The following ZNF385B variants were observed in gnomAD, a reference collection of about 807,000 sequenced individuals.
ZNF385B encodes the protein zinc finger protein 385B.
ZNF385B carries 23 observed loss-of-function variants against 39.2 expected under a neutral mutation model. That is an observed-to-expected ratio of 0.59 (90% CI 0.42 to 0.83). The LOEUF is 0.83. Among genes scored for constraint, ZNF385B ranks in the 40% least tolerant of loss-of-function variants. The pLI is 0.00. For missense variants in ZNF385B, 552 were observed against 598.9 expected, an observed-to-expected ratio of 0.92 and a Z score of 0.82; for synonymous variants, 205 against 222.6, an observed-to-expected ratio of 0.92 and a Z score of 0.70.
chr2:179,512,962 G>T (rs2105782845), intron 5 of ZNF385B, among the ~76,000 whole-genome samples: 1 of 152,206 alleles, frequency 6.6e-6, no homozygotes, highest in South Asian at 2.1e-4. Context: ...AGACAAAGGG[G>T]GGTACAGGAA....
In ZNF385B at chr2:179,479,404, C is replaced by T. The variant is rs114536778; in HGVS notation, c.715+3868G>A. ...TGTACAGATCTGGATACAACATGAA[C>T]CAAATTATGTCTCCAAAAGTAACAT... On this transcript the variant is annotated intron_variant, in intron 6 of 9. Coordinates refer to ENST00000410066, the MANE Select transcript of ZNF385B (RefSeq NM_152520.6). Among the ~76,000 whole-genome samples, 1,462 of 152,136 alleles carry T rather than the reference C, an allele frequency of 9.6e-3. 23 individuals are homozygous for T. Among genetic ancestry groups the T allele is most frequent in the African/African-American group, 0.033 (1,373 of 41,506 alleles).
intron 4 of ZNF385B, among the ~76,000 whole-genome samples, chr2:179,534,411 G>T (rs1394677841): frequency 1.3e-5 from 2 of 151,964 alleles, no homozygotes. Flanking sequence ...GATATTTATA[G>T]GTATTTTAAG....
chr2:179,543,661 G>T (rs1311578433), intron 4 of ZNF385B, among the ~76,000 whole-genome samples: 1 of 151,788 alleles, frequency 6.6e-6, no homozygotes, highest in Non-Finnish European at 1.5e-5. Context: ...CTCGCCTTTT[G>T]TAACTTTTTT....
chr2:179,559,307 A>G (rs991906169), intron 3 of ZNF385B, among the ~76,000 whole-genome samples: 1 of 151,930 alleles, frequency 6.6e-6, no homozygotes, highest in Non-Finnish European at 1.5e-5. Flanking sequence ...GACCCAAGGA[A>G]TGCTGGTACT....
intron 3 of ZNF385B, among the ~76,000 whole-genome samples, chr2:179,767,165 T>C (rs1703750806): frequency 6.6e-6 from 1 of 152,240 alleles, no homozygotes; most frequent in Admixed American, 6.5e-5. Context: ...AAGATGCAGC[T>C]ATCTCACAAG....
At chr2:179,512,355 T>C (rs1425985492) in intron 5 of ZNF385B, among the ~76,000 whole-genome samples, 2 of 152,174 alleles carry the variant, frequency 1.3e-5, no homozygotes, top group Non-Finnish European at 2.9e-5. Context: ...TGTATAAAGA[T>C]TTGATTTTGT....
intron 3 of ZNF385B, among the ~76,000 whole-genome samples, chr2:179,584,333 C>A (rs900099422): frequency 1.3e-5 from 2 of 151,986 alleles, no homozygotes; most frequent in Non-Finnish European, 2.9e-5. Context: ...TACCACCTAT[C>A]CTCTCACTCC....
At chr2:179,648,471 T>C (rs559920895) in intron 3 of ZNF385B, among the ~76,000 whole-genome samples, 2 of 152,106 alleles carry the variant, frequency 1.3e-5, no homozygotes, top group African/African-American at 2.4e-5. Context: ...TGGATGCACA[T>C]GTGCACATGT....
At chr2:179,509,256 T>C (rs1366884829) in intron 5 of ZNF385B, among the ~76,000 whole-genome samples, 3 of 152,210 alleles carry the variant, frequency 2.0e-5, no homozygotes, top group Non-Finnish European at 4.4e-5. Context: ...ATAAGTTTAA[T>C]ATCAATCCTA....
At chr2:179,671,081 G>T (rs1428231102) in intron 3 of ZNF385B, among the ~76,000 whole-genome samples, 5 of 152,218 alleles carry the variant, frequency 3.3e-5, no homozygotes, top group Non-Finnish European at 2.9e-5. Context: ...CACAGCAAAT[G>T]CTTGGTGAAT....
At chr2:179,620,603 A>G (rs1017407222) in intron 3 of ZNF385B, among the ~76,000 whole-genome samples, 9 of 152,124 alleles carry the variant, frequency 5.9e-5, no homozygotes, top group African/African-American at 2.2e-4. Context: ...TATTTTTGCT[A>G]AGTTTTCCTA....
intron 3 of ZNF385B, among the ~76,000 whole-genome samples, chr2:179,767,547 G>T (rs1703775813): frequency 6.6e-6 from 1 of 152,166 alleles, no homozygotes; most frequent in South Asian, 2.1e-4. Context: ...TATGAGTTGA[G>T]AGAGTGTTAA....
intron 3 of ZNF385B, among the ~76,000 whole-genome samples, chr2:179,750,060 C>T (rs966260592): frequency 6.6e-6 from 1 of 152,108 alleles, no homozygotes; most frequent in Admixed American, 6.5e-5. Flanking sequence ...ATAATCCACA[C>T]CCTTGTTTGA....
chr2:179,566,905 T>C (rs966406446), intron 3 of ZNF385B, among the ~76,000 whole-genome samples: 2 of 150,892 alleles, frequency 1.3e-5, no homozygotes, highest in Admixed American at 1.3e-4. Flanking sequence ...AATCTTTTTC[T>C]TTTCTTTTCT....
chr2:179,520,275 C>T lies in ZNF385B; in HGVS notation c.442-1637G>A, dbSNP rs2058388910. ...ATATTAAATTCATAGACCTTTCCCC[C>T]TCAAAAGGTCAATTTTATATATTAT... On this transcript the variant is annotated intron_variant, in intron 4 of 9. Transcript: ENST00000410066. 5.3e-5 allele frequency among the ~76,000 whole-genome samples: 8 copies of T among 151,910 alleles called. 1 individual carries two copies. In the South Asian group the frequency reaches 1.5e-3, roughly 28 times the overall value.
intron 3 of ZNF385B, among the ~76,000 whole-genome samples, chr2:179,738,802 T>C (rs759506914): frequency 6.6e-6 from 1 of 152,220 alleles, no homozygotes; most frequent in Non-Finnish European, 1.5e-5. Flanking sequence ...ACAGATTTAA[T>C]GGCTAAGTCA....
intron 4 of ZNF385B, among the ~76,000 whole-genome samples, chr2:179,541,449 C>G (rs79208503): frequency 6.6e-6 from 1 of 152,040 alleles, no homozygotes; most frequent in Middle Eastern, 3.2e-3. Context: ...TTTTAAAAAT[C>G]TACTTAAAGA....
chr2:179,844,479 G>A (rs1042852512), intron 1 of ZNF385B, among the ~76,000 whole-genome samples: 1 of 152,140 alleles, frequency 6.6e-6, no homozygotes, highest in African/African-American at 2.4e-5. Flanking sequence ...TATAATACAT[G>A]TTCTGGGCTT....
intron 3 of ZNF385B, among the ~76,000 whole-genome samples, chr2:179,685,929 G>C (rs1023860976): frequency 9.2e-5 from 14 of 152,176 alleles, no homozygotes; most frequent in African/African-American, 3.4e-4. Context: ...ATAAGACCCA[G>C]TGTAAAGATG....
Sources: allele counts gnomAD v4.1 joint callset (sites outside exome capture counted in the v4.1 genomes callset), GRCh38; gene constraint gnomAD v4.1.1; transcripts MANE v1.5; gene names NCBI Gene and HGNC (gene_info 2026-07-23, HGNC 2026-07-21).